The following SNRPC variants were observed in gnomAD, a reference collection of about 807,000 sequenced individuals.
SNRPC encodes the protein U1 small nuclear ribonucleoprotein C.
SNRPC carries 5 observed loss-of-function variants against 20.0 expected under a neutral mutation model. The observed-to-expected ratio is 0.25, with a 90% confidence interval of 0.13 to 0.53. The LOEUF (loss-of-function observed/expected upper bound fraction) is 0.53, where lower values mean the gene tolerates loss of function less well. Among genes scored for constraint, SNRPC ranks in the 20% least tolerant of loss-of-function variants. The pLI, the probability that SNRPC is intolerant of heterozygous loss-of-function variation, is 0.96. For synonymous variants in SNRPC, 61 were observed against 58.7 expected (o/e 1.04, Z -0.18); for missense variants, 112 against 224.1 (o/e 0.50, Z 3.19).
intron 5 of SNRPC, among the ~76,000 whole-genome samples, chr6:34,770,925 T>C (rs1208703295): frequency 6.6e-6 from 1 of 152,256 alleles, no homozygotes; most frequent in Non-Finnish European, 1.5e-5. Context: ...GTTGTTTTTT[T>C]ATTTAGGGAG....
chr6:34,759,409 G>A (rs1764504211), intron 2 of SNRPC, among the ~76,000 whole-genome samples: 1 of 152,210 alleles, frequency 6.6e-6, no homozygotes, highest in African/African-American at 2.4e-5. Context: ...AGCTAGTAGA[G>A]CTCACAATTT....
intron 3 of SNRPC, among the ~76,000 whole-genome samples, chr6:34,764,946 G>T (rs915560571): frequency 3.9e-5 from 6 of 151,970 alleles, no homozygotes; most frequent in Admixed American, 3.9e-4. Flanking sequence ...GCTTGAACCC[G>T]GGAGGTGGAG....
intron 4 of SNRPC, 108 bp downstream of exon 4, chr6:34,768,105 A>G (rs1764637866): frequency 2.5e-6 from 2 of 815,756 alleles, no homozygotes; most frequent in East Asian, 2.8e-5. Flanking sequence ...TTGTATGTAG[A>G]TAGTAATATA....
In SNRPC at chr6:34,771,200, G is replaced by A. The variant is rs557908718; in HGVS notation, c.355+805G>A. On this transcript the variant is annotated intron_variant, in intron 5 of 5. Coordinates refer to ENST00000244520, the MANE Select transcript of SNRPC (RefSeq NM_003093.3). ...AAAAATTAGCCAGGTGTGGTGGCACGCGCCTGTTGTCTCAGCTACTCAGGA... is the reference window on the plus strand; with the variant it reads ...AAAAATTAGCCAGGTGTGGTGGCACACGCCTGTTGTCTCAGCTACTCAGGA... Among the ~76,000 whole-genome samples, 112 of 152,056 alleles carry A rather than the reference G, an allele frequency of 7.4e-4. 1 individual carries two copies. The highest frequency in any genetic ancestry group is 2.5e-3 in the African/African-American group (103 of 41,478).
At chr6:34,761,412 A>G (rs570142411) in intron 2 of SNRPC, among the ~76,000 whole-genome samples, 14 of 151,682 alleles carry the variant, frequency 9.2e-5, no homozygotes, top group African/African-American at 3.1e-4. Flanking sequence ...TGCTGGGATT[A>G]TAGGTGTGAG....
intron 4 of SNRPC, 118 bp downstream of exon 4, chr6:34,768,115 A>G (rs941759944): frequency 3.0e-6 from 2 of 672,168 alleles, no homozygotes; most frequent in Non-Finnish European, 4.6e-6. Flanking sequence ...ATAGTAATAT[A>G]AATGTATAAA....
chr6:34,771,029 G>A (rs1764683902), intron 5 of SNRPC, among the ~76,000 whole-genome samples: 1 of 152,114 alleles, frequency 6.6e-6, no homozygotes, highest in Non-Finnish European at 1.5e-5. Flanking sequence ...CAGGACCTTT[G>A]CTTTGAGAGT....
intron 2 of SNRPC, among the ~76,000 whole-genome samples, chr6:34,759,534 TA>T (rs1764505665): frequency 6.6e-6 from 1 of 152,230 alleles, no homozygotes; most frequent in African/African-American, 2.4e-5. Context: ...GAATTGAACT[TA>T]AGGGTTTTTA....
intron 2 of SNRPC, among the ~76,000 whole-genome samples, chr6:34,759,748 G>A (rs997806221): frequency 2.6e-5 from 4 of 152,180 alleles, no homozygotes; most frequent in Non-Finnish European, 5.9e-5. Context: ...TGGCTTAGTA[G>A]TATTATGAAA....
intron 2 of SNRPC, among the ~76,000 whole-genome samples, chr6:34,762,293 G>A (rs1764547568): frequency 6.6e-6 from 1 of 151,226 alleles, no homozygotes; most frequent in Admixed American, 6.6e-5. Context: ...AACAGAGCAG[G>A]ACCCTGTTAG....
intron 1 of SNRPC, 141 bp downstream of exon 1, chr6:34,757,692 A>G: frequency 7.3e-7 from 1 of 1,371,834 alleles, no homozygotes; most frequent in South Asian, 1.2e-5. Context: ...AGGGAGATGG[A>G]GAGCGCTAGA....
At chr6:34,768,106 T>C (rs3736896) in intron 4 of SNRPC, 109 bp downstream of exon 4, 179,268 of 791,002 alleles carry the variant, frequency 0.23, 21,738 homozygotes, top group African/African-American at 0.32. Flanking sequence ...TGTATGTAGA[T>C]AGTAATATAA....
intron 4 of SNRPC, among the ~76,000 whole-genome samples, chr6:34,769,264 C>G (rs898772871): frequency 4.4e-5 from 6 of 136,642 alleles, no homozygotes; most frequent in African/African-American, 1.7e-4. Context: ...GAGTCTCACT[C>G]TGTTGCCCAG....
At chr6:34,761,250 C>T (rs1764531498) in intron 2 of SNRPC, among the ~76,000 whole-genome samples, 1 of 151,602 alleles carries the variant, frequency 6.6e-6, no homozygotes, top group Non-Finnish European at 1.5e-5. Context: ...AGTGATTCTC[C>T]TGCCTCAGCC....
At chr6:34,759,177 A>G (rs1172432150) in intron 2 of SNRPC, among the ~76,000 whole-genome samples, 3 of 152,224 alleles carry the variant, frequency 2.0e-5, no homozygotes, top group African/African-American at 7.2e-5. Context: ...CTCAAATTCT[A>G]TCATTGGCAA....
At chr6:34,759,032 A>AG (rs1561788713) in intron 2 of SNRPC, among the ~76,000 whole-genome samples, 4 of 149,656 alleles carry the variant, frequency 2.7e-5, no homozygotes, top group Non-Finnish European at 4.5e-5. Flanking sequence ...AAAAAAAAAA[A>AG]AAAAAAAAAA....
intron 3 of SNRPC, among the ~76,000 whole-genome samples, chr6:34,765,884 G>A (rs961328040): frequency 3.3e-5 from 5 of 151,984 alleles, no homozygotes; most frequent in African/African-American, 1.2e-4. Flanking sequence ...GGCTACAGGT[G>A]CACACCACTA....
rs1369861139 is a variant in SNRPC at position 34,757,948 on chromosome 6, T to C, written c.45T>C (p.His15=). The C allele has an allele frequency of 1.2e-6, 2 of 1,612,252 alleles. No individual in the cohort carries two copies. Among genetic ancestry groups the C allele is most frequent in the Non-Finnish European group, 1.7e-6 (2 of 1,179,800 alleles). Residue 15 remains histidine (H), a synonymous_variant, in exon 2 of 6, where the codon CAT becomes CAC. Transcript: ENST00000244520. ...YCDYCDTYLT[H]DSPSVRKTHC... is the part of the protein sequence containing the mutation. The stretch of plus-strand genomic sequence containing the variant: ...ACTACTGCGATACATACCTCACCCA[T>C]GACTCTGTAAGTGGCATATCTATTC...
chr6:34,767,839 T>A, intron 3 of SNRPC, 69 bp from the exon 4 acceptor site: 1 of 1,465,052 alleles, frequency 6.8e-7, no homozygotes, highest in Admixed American at 2.5e-5. Flanking sequence ...AAGAAAGTGG[T>A]TATTTTAGTT....
Sources: gnomAD v4.1 joint callset for allele counts (sites outside exome capture counted in the v4.1 genomes callset) on GRCh38, gnomAD v4.1.1 for gene constraint, MANE v1.5 for transcripts, NCBI Gene and HGNC (gene_info 2026-07-23, HGNC 2026-07-21) for gene names.